Variants in PPP1CB observed in about 807,000 individuals in gnomAD.
PPP1CB encodes serine/threonine-protein phosphatase PP1-beta catalytic subunit.
A neutral mutation model predicts 43.7 loss-of-function variants in PPP1CB; 2 were observed. The ratio of observed to expected loss-of-function variants is 0.05; its 90% confidence interval spans 0.02 to 0.14. PPP1CB has a LOEUF of 0.14. Among genes scored for constraint, PPP1CB ranks in the 10% least tolerant of loss-of-function variants. The pLI, the probability that PPP1CB is intolerant of heterozygous loss-of-function variation, is 1.00. For synonymous variants in PPP1CB, 136 were observed against 135.6 expected (o/e 1.00, Z -0.02); for missense variants, 84 against 398.0 (o/e 0.21, Z 6.71).
intron 1 of PPP1CB, among the ~76,000 whole-genome samples, chr2:28,757,416 ATATGGTAGCCC>A (rs1460291499): frequency 1.3e-5 from 2 of 152,200 alleles, no homozygotes; most frequent in African/African-American, 4.8e-5. Context: ...TTTCTAGGTC[ATATGGTAGCCC>A]TATGTTTAAC....
In PPP1CB at chr2:28,777,090, G is replaced by A. The variant is rs3768662; in HGVS notation, c.184+108G>A. The A allele has an allele frequency of 5.2e-5, 61 of 1,173,196 alleles. No homozygotes were observed. The East Asian group carries it at 1.5e-3, about 28-fold the overall frequency. 72.7% of individuals were successfully genotyped at this position (1,173,196 alleles called of 1,614,324 possible). A position where few individuals can be genotyped will look rare whatever the true frequency, so the allele number is the denominator to read the frequency against. On this transcript the variant is annotated intron_variant, in intron 2 of 7. Coordinates refer to ENST00000395366, the MANE Select transcript of PPP1CB (RefSeq NM_002709.3). ...TGAAATTTTTGTATAAAACAGATCA[G>A]TAGGCTTTACTAAATAAAAGTGTAT... is the stretch of plus-strand genomic sequence containing the variant.
At chr2:28,782,650 G>A (rs138623451) in intron 4 of PPP1CB, 2 of 152,282 alleles carry the variant, frequency 1.3e-5, no homozygotes, top group East Asian at 3.9e-4. Context: ...CTGACTAGAA[G>A]GTCAAGTACA....
In PPP1CB at chr2:28,776,731, A is replaced by G; in HGVS notation, c.53-120A>G. 4 of 807,516 alleles carry G rather than the reference A, an allele frequency of 5.0e-6. No individual in the cohort carries two copies. In the South Asian group the frequency reaches 8.0e-5, roughly 16 times the overall value. The allele number at this position is 807,516 out of a possible 1,614,324, so 50.0% of individuals were successfully genotyped here. A position where few individuals can be genotyped will look rare whatever the true frequency, so the allele number is the denominator to read the frequency against. ...AACATTATTTTAAACCATGGGACCA[A>G]ATAGGGTAATTTGCTGCCTGTGTGA... On this transcript the variant is annotated intron_variant, in intron 1 of 7. Transcript: ENST00000395366.
At chr2:28,791,910 T>C (rs2148059027) in intron 6 of PPP1CB, among the ~76,000 whole-genome samples, 1 of 152,348 alleles carries the variant, frequency 6.6e-6, no homozygotes, top group South Asian at 2.1e-4. Context: ...TCTAAAATTC[T>C]AGAAATATTC....
At position 28,752,210 on chromosome 2, in the gene PPP1CB, G is replaced by A. The variant is rs2148449543; in HGVS notation, c.52+34G>A. 7.3e-6 allele frequency: 11 copies of A among 1,513,076 alleles called. No homozygotes were observed. In the East Asian group the frequency reaches 3.0e-4, roughly 41 times the overall value. 93.7% of individuals were successfully genotyped at this position (1,513,076 alleles called of 1,614,324 possible). A position where few individuals can be genotyped will look rare whatever the true frequency, so the allele number is the denominator to read the frequency against. Reference sequence around the variant, plus strand: ...GCGCCTGGCCGCGGGACAGAGGGAGGTCGGGCACCGCCGCCGACCCCTGCG... The same window carrying A: ...GCGCCTGGCCGCGGGACAGAGGGAGATCGGGCACCGCCGCCGACCCCTGCG... On this transcript the variant is annotated intron_variant, in intron 1 of 7. Coordinates refer to ENST00000395366, the MANE Select transcript of PPP1CB (RefSeq NM_002709.3).
chr2:28,774,561 G>T (rs912816955), intron 1 of PPP1CB, among the ~76,000 whole-genome samples: 2 of 152,062 alleles, frequency 1.3e-5, no homozygotes, highest in Admixed American at 6.6e-5. Flanking sequence ...AAGTAGCTGA[G>T]ATTACAGGCA....
At position 28,802,564 on chromosome 2, in the gene PPP1CB, A is replaced by T. The variant is rs1048256212; in HGVS notation, c.*3261A>T. On this transcript the variant is annotated 3_prime_UTR_variant, in exon 8 of 8. Coordinates refer to ENST00000395366, the MANE Select transcript of PPP1CB (RefSeq NM_002709.3). ...TAAAACAGCTGAAAATTGGGACAACATACTTTACGCAATGAACAGTAGTTA... is the reference window on the plus strand; with the variant it reads ...TAAAACAGCTGAAAATTGGGACAACTTACTTTACGCAATGAACAGTAGTTA... The T allele has an allele frequency of 6.6e-6, 1 of 152,248 alleles. No individual in the cohort carries two copies. The highest frequency in any genetic ancestry group is 2.4e-5 in the African/African-American group (1 of 41,462). The allele number at this position is 152,248 out of a possible 1,614,324, so 9.4% of individuals were successfully genotyped here.
chr2:28,778,764 A>G (rs2148049941), intron 2 of PPP1CB, 45 bp from the exon 3 acceptor site: 1 of 1,272,352 alleles, frequency 7.9e-7, no homozygotes, highest in Non-Finnish European at 1.1e-6. Context: ...GAAGCTGCTT[A>G]TAACAGTAAC....
At chr2:28,784,067 G>A in intron 5 of PPP1CB, 89 bp downstream of exon 5, 1 of 987,998 alleles carries the variant, frequency 1.0e-6, no homozygotes, top group Non-Finnish European at 1.5e-6. Context: ...ATTGGCTTAT[G>A]TAATAAATAA....
intron 6 of PPP1CB, among the ~76,000 whole-genome samples, chr2:28,790,050 G>C (rs1572467638): frequency 1.3e-5 from 2 of 152,162 alleles, no homozygotes; most frequent in East Asian, 3.9e-4. Flanking sequence ...GGAGGCTGAG[G>C]CAGGCAGATC....
intron 1 of PPP1CB, among the ~76,000 whole-genome samples, chr2:28,773,856 A>G (rs1666968504): frequency 6.6e-6 from 1 of 152,070 alleles, no homozygotes; most frequent in South Asian, 2.1e-4. Flanking sequence ...GCATTCATCA[A>G]CTCTTAAGAT....
At position 28,785,065 on chromosome 2, in the gene PPP1CB, C is replaced by CTTTTTTTTTTT. The variant is rs769650329; in HGVS notation, c.592+1105_592+1115dup. Among the ~76,000 whole-genome samples, 198 of 55,000 alleles carry CTTTTTTTTTTT rather than the reference C, an allele frequency of 3.6e-3. 48 individuals carry two copies. The highest frequency in any genetic ancestry group is 4.8e-3 in the Non-Finnish European group (139 of 28,694). 36.1% of individuals were successfully genotyped at this position (55,000 alleles called of 152,430 possible). ...ATGTTGTAATAAATTGTGTTAGGAG[C>CTTTTTTTTTTT]TTTTTTTTTTTTTTTTTTTTTTTTT... On this transcript the variant is annotated intron_variant, in intron 5 of 7. Coordinates refer to ENST00000395366, the MANE Select transcript of PPP1CB (RefSeq NM_002709.3).
Position 28,752,068 on chromosome 2 carries a change from T to G in PPP1CB, c.-57T>G. Reference sequence around the variant, plus strand: ...AGAACGCCGAGCCGTCGCCGCAGCCTCCGCCGCCGAGAAGCCCTTGTTCCC... The same window carrying G: ...AGAACGCCGAGCCGTCGCCGCAGCCGCCGCCGCCGAGAAGCCCTTGTTCCC... On this transcript the variant is annotated 5_prime_UTR_variant, in exon 1 of 8. Transcript: ENST00000395366. 1 of 1,522,906 alleles carries G rather than the reference T, an allele frequency of 6.6e-7. No individual in the cohort carries two copies. The highest frequency in any genetic ancestry group is 8.9e-7 in the Non-Finnish European group (1 of 1,121,916). 94.3% of individuals were successfully genotyped at this position (1,522,906 alleles called of 1,614,324 possible).
Position 28,778,816 on chromosome 2 carries a change from T to C in PPP1CB, c.192T>C (p.Ile64=). 6.3e-7 allele frequency: 1 copy of C among 1,575,432 alleles called. No homozygotes were observed. Among genetic ancestry groups the C allele is most frequent in the Non-Finnish European group, 8.7e-7 (1 of 1,145,398 alleles). ...LEAPLKICGD[I]HGQYTDLLRL... ...GACTCTTTCTCTTTTTAGGAGATATTCATGGACAATATACAGATTTACTGA... is the reference window on the plus strand; with the variant it reads ...GACTCTTTCTCTTTTTAGGAGATATCCATGGACAATATACAGATTTACTGA... Residue 64 remains isoleucine, a synonymous_variant, in exon 3 of 8, where the codon ATT becomes ATC. Coordinates refer to ENST00000395366, the MANE Select transcript of PPP1CB (RefSeq NM_002709.3).
intron 1 of PPP1CB, among the ~76,000 whole-genome samples, chr2:28,770,129 C>T (rs946595605): frequency 2.6e-5 from 4 of 151,748 alleles, no homozygotes; most frequent in East Asian, 3.9e-4. Context: ...ATTGGCTGGG[C>T]GTGGGTGCCT....
At chr2:28,795,281 A>G (rs1025244997) in intron 7 of PPP1CB, among the ~76,000 whole-genome samples, 4 of 152,116 alleles carry the variant, frequency 2.6e-5, no homozygotes, top group African/African-American at 4.8e-5. Context: ...TGTCTTTGCT[A>G]TTGTGAATAG....
In PPP1CB at chr2:28,788,639, G is replaced by A; in HGVS notation, c.593-19G>A. On this transcript the variant is annotated intron_variant, in intron 5 of 7. Coordinates refer to ENST00000395366, the MANE Select transcript of PPP1CB (RefSeq NM_002709.3). Reference sequence around the variant, plus strand: ...TCTGTAAATTTTGTTCTTAATTGCTGTATTTCTGTCCTTTAAAGGTTTGCT... The same window carrying A: ...TCTGTAAATTTTGTTCTTAATTGCTATATTTCTGTCCTTTAAAGGTTTGCT... The A allele has an allele frequency of 1.2e-6, 2 of 1,607,476 alleles. No homozygotes were observed. The highest frequency in any genetic ancestry group is 1.7e-6 in the Non-Finnish European group (2 of 1,177,406).
chr2:28,770,343 A>G (rs1311767155), intron 1 of PPP1CB, among the ~76,000 whole-genome samples: 1 of 127,516 alleles, frequency 7.8e-6, no homozygotes, highest in Non-Finnish European at 1.6e-5. Context: ...CAAGGGATGT[A>G]TTTTAAATCT....
At chr2:28,771,827 A>T (rs369617363) in intron 1 of PPP1CB, among the ~76,000 whole-genome samples, 3 of 152,214 alleles carry the variant, frequency 2.0e-5, no homozygotes, top group African/African-American at 7.2e-5. Context: ...CTTGAATAAG[A>T]TGCAAAAGGC....
Sources: gnomAD v4.1 joint callset for allele counts (sites outside exome capture counted in the v4.1 genomes callset) on GRCh38, gnomAD v4.1.1 for gene constraint, MANE v1.5 for transcripts, NCBI Gene and HGNC (gene_info 2026-07-23, HGNC 2026-07-21) for gene names.